Variants in COL4A1 observed in about 807,000 individuals in gnomAD.
The protein encoded by COL4A1 is collagen alpha-1(IV) chain.
A neutral mutation model predicts 216.6 loss-of-function variants in COL4A1; 40 were observed. That is an observed-to-expected ratio of 0.18 (90% CI 0.14 to 0.24). The LOEUF is 0.24. COL4A1 is among the 10% of genes least tolerant of loss of function. The probability of loss-of-function intolerance (pLI) is 1.00; values close to 1 mark genes in which losing one functional copy is unlikely to be tolerated. For synonymous variants in COL4A1, 839 were observed against 810.7 expected (o/e 1.03, Z -0.59); for missense variants, 1,628 against 2,196.8 (o/e 0.74, Z 5.18).
Position 110,174,717 on chromosome 13 carries a change from G to A in COL4A1, c.3231C>T (p.Ser1077=), listed in dbSNP as rs961815287. 9.3e-6 allele frequency: 15 copies of A among 1,613,330 alleles called. 1 individual carries two copies. Among genetic ancestry groups the A allele is most frequent in the Admixed American group, 5.0e-5 (3 of 60,000 alleles). Residue 1077 remains serine (S), a synonymous_variant, in exon 38 of 52, where the codon AGC becomes AGT. Transcript: ENST00000375820. The part of the protein sequence containing the change: ...GDQGIAGFPG[S]PGEKGEKGSI... ...TTCCTTTTTCTCCCTTCTCTCCAGG[G>A]CTTCCTGGGAAACCCGCTATCCCTT...
At chr13:110,164,605 T>C (rs1386347853) in intron 46 of COL4A1, among the ~76,000 whole-genome samples, 2 of 152,200 alleles carry the variant, frequency 1.3e-5, no homozygotes, top group Non-Finnish European at 1.5e-5. Context: ...TTTGAGCCCA[T>C]GTTTTTCTAA....
At chr13:110,219,870 G>GTATATATGTGTGTGTA (rs1880363318) in intron 2 of COL4A1, among the ~76,000 whole-genome samples, 1 of 103,510 alleles carries the variant, frequency 9.7e-6, no homozygotes, top group Non-Finnish European at 2.0e-5. Flanking sequence ...ATATGTGTGT[G>GTATATATGTGTGTGTA]TATATATGTA....
chr13:110,192,975 C>T (rs1878712848), intron 22 of COL4A1, 62 bp from the exon 23 acceptor site: 5 of 1,463,942 alleles, frequency 3.4e-6, no homozygotes, highest in Non-Finnish European at 3.8e-6. Context: ...CCGCAGTGCA[C>T]TGAGAGAACA....
chr13:110,217,942 A>C (rs1880170556), intron 2 of COL4A1, among the ~76,000 whole-genome samples: 1 of 152,242 alleles, frequency 6.6e-6, no homozygotes, highest in African/African-American at 2.4e-5. Flanking sequence ...AAATGCGTGG[A>C]TAGAAAGTCA....
chr13:110,183,617 T>C (rs1381331175), intron 26 of COL4A1, among the ~76,000 whole-genome samples: 1 of 152,236 alleles, frequency 6.6e-6, no homozygotes, highest in Non-Finnish European at 1.5e-5. Flanking sequence ...AGTGAGCCGG[T>C]CTCAAAAAGT....
At chr13:110,197,810 G>A (rs891964254) in intron 21 of COL4A1, among the ~76,000 whole-genome samples, 1 of 152,158 alleles carries the variant, frequency 6.6e-6, no homozygotes, top group African/African-American at 2.4e-5. Flanking sequence ...CGTGTTTCAG[G>A]GGCCCCACAG....
At chr13:110,184,166 T>A (rs989822788) in intron 26 of COL4A1, among the ~76,000 whole-genome samples, 2 of 152,152 alleles carry the variant, frequency 1.3e-5, no homozygotes, top group African/African-American at 4.8e-5. Context: ...GCTAATTGGC[T>A]CTGGATGGCC....
intron 4 of COL4A1, 62 bp downstream of exon 4, chr13:110,213,720 G>T: frequency 6.5e-7 from 1 of 1,537,264 alleles, no homozygotes; most frequent in Non-Finnish European, 9.0e-7. Flanking sequence ...AAGGTGCCCG[G>T]CTCTGGAAGC....
chr13:110,150,127 T>A lies in COL4A1; in HGVS notation c.*236A>T, dbSNP rs140945148. ...ATTGCAGAAAATATTGATATTTTAT[T>A]TCATCAAAAGTGCCATTTGGTATGC... On this transcript the variant is annotated 3_prime_UTR_variant, in exon 52 of 52. Coordinates refer to ENST00000375820, the MANE Select transcript of COL4A1 (RefSeq NM_001845.6). The A allele has an allele frequency of 5.3e-6, 3 of 563,410 alleles. No individual in the cohort carries two copies. 34.9% of individuals were successfully genotyped at this position (563,410 alleles called of 1,614,324 possible).
intron 1 of COL4A1, among the ~76,000 whole-genome samples, chr13:110,289,144 A>C (rs939676993): frequency 2.0e-5 from 3 of 152,086 alleles, no homozygotes; most frequent in Non-Finnish European, 4.4e-5. Flanking sequence ...TCCATTCCAG[A>C]TCTCCTCATT....
intron 1 of COL4A1, among the ~76,000 whole-genome samples, chr13:110,248,649 G>A (rs1452642249): frequency 2.0e-5 from 3 of 152,086 alleles, no homozygotes; most frequent in Non-Finnish European, 2.9e-5. Context: ...GGGCCACCAC[G>A]CCAGGATAAT....
chr13:110,264,835 C>T (rs1008300038), intron 1 of COL4A1, among the ~76,000 whole-genome samples: 2 of 152,164 alleles, frequency 1.3e-5, no homozygotes, highest in African/African-American at 4.8e-5. Flanking sequence ...GATTGAAGGC[C>T]ACTGGAGCTC....
intron 1 of COL4A1, among the ~76,000 whole-genome samples, chr13:110,283,626 C>T (rs547446284): frequency 1.3e-5 from 2 of 152,162 alleles, no homozygotes; most frequent in African/African-American, 2.4e-5. Context: ...ACACAATGCA[C>T]ACTCAGGCAC....
rs889486810 is a variant in COL4A1 at position 110,222,513 on chromosome 13, C to T, written c.145-8498G>A. ...TTCAGGCCGGGCGCGGTGGCTCACG[C>T]CTGTAATCCTAGCACTTTGGGAGGC... On this transcript the variant is annotated intron_variant, in intron 2 of 51. Transcript: ENST00000375820. Among the ~76,000 whole-genome samples, 106 of 136,696 alleles carry T rather than the reference C, an allele frequency of 7.8e-4. 1 individual carries two copies. The highest frequency in any genetic ancestry group is 2.5e-3 in the African/African-American group (101 of 39,820). 89.7% of individuals were successfully genotyped at this position (136,696 alleles called of 152,430 possible). A position where few individuals can be genotyped will look rare whatever the true frequency, so the allele number is the denominator to read the frequency against.
chr13:110,306,822 C>T (rs1884747133), intron 1 of COL4A1, 122 bp downstream of exon 1: 1 of 887,206 alleles, frequency 1.1e-6, no homozygotes, highest in Non-Finnish European at 1.6e-6. Context: ...GAGAATGCAC[C>T]TGGCCGTGCC....
chr13:110,198,876 T>C (rs1879029915), intron 20 of COL4A1, among the ~76,000 whole-genome samples: 2 of 152,260 alleles, frequency 1.3e-5, no homozygotes, highest in Non-Finnish European at 2.9e-5. Context: ...TTAAAATCTG[T>C]GAATTTCTCT....
intron 1 of COL4A1, among the ~76,000 whole-genome samples, chr13:110,253,636 A>G (rs1052733945): frequency 1.4e-5 from 2 of 143,898 alleles, no homozygotes; most frequent in Non-Finnish European, 3.0e-5. Context: ...TTATATATGT[A>G]TGTATGTATT....
At position 110,306,978 on chromosome 13, in the gene COL4A1, A is replaced by G; in HGVS notation, c.50T>C (p.Leu17Pro). 1.4e-6 allele frequency: 2 copies of G among 1,477,130 alleles called. No individual in the cohort carries two copies. The highest frequency in any genetic ancestry group is 1.8e-6 in the Non-Finnish European group (2 of 1,119,554). The allele number at this position is 1,477,130 out of a possible 1,614,324, so 91.5% of individuals were successfully genotyped here. ...VWLLLLPAAL[L>P]LHEEHSRAAA... ...GGCCCGGCTGTGCTCCTCGTGGAGC[A>G]GAAGGGCGGCGGGCAGCAGCAGCAG... is the stretch of plus-strand genomic sequence containing the variant. The change falls in exon 1 of 52, where the codon CTG (leucine) becomes CCG (proline). Residue 17 changes from leucine to proline, a missense_variant. This residue lies in a region of COL4A1 where 74 missense variants were observed against 61.7 expected (regional missense o/e 1.20). Transcript: ENST00000375820.
chr13:110,169,887 C>T (rs1877527165), intron 42 of COL4A1, 125 bp from the exon 43 acceptor site: 2 of 1,313,744 alleles, frequency 1.5e-6, no homozygotes, highest in East Asian at 3.1e-5. Flanking sequence ...ACAGTGACAA[C>T]CCTTGAGACA....
Sources: gnomAD v4.1 joint callset for allele counts (sites outside exome capture counted in the v4.1 genomes callset) on GRCh38, gnomAD v4.1.1 for gene constraint, gnomAD v4.1.1 regional missense constraint, MANE v1.5 for transcripts, NCBI Gene and HGNC (gene_info 2026-07-23, HGNC 2026-07-21) for gene names.